Variants in SOX5 observed in about 807,000 individuals in gnomAD.
SOX5 encodes the protein SRY-box transcription factor 5.
Under a neutral mutation model 92.0 loss-of-function variants are expected in SOX5, and 9 were observed. That is an observed-to-expected ratio of 0.10 (90% CI 0.06 to 0.17). The LOEUF is 0.17. Ranked by LOEUF, SOX5 falls within the 10% of genes least tolerant of loss-of-function variation. The pLI is 1.00. For missense variants in SOX5, 642 were observed against 944.5 expected, an observed-to-expected ratio of 0.68 and a Z score of 4.20; for synonymous variants, 344 against 336.3, an observed-to-expected ratio of 1.02 and a Z score of -0.25.
intron 1 of SOX5, among the ~76,000 whole-genome samples, chr12:24,513,351 G>C (rs1458132882): frequency 6.6e-6 from 1 of 152,172 alleles, no homozygotes; most frequent in East Asian, 1.9e-4. Context: ...AGGTACTTGG[G>C]AATCCAACGT....
chr12:23,594,714 T>C (rs1480534335), intron 9 of SOX5, among the ~76,000 whole-genome samples: 1 of 152,200 alleles, frequency 6.6e-6, no homozygotes, highest in Non-Finnish European at 1.5e-5. Flanking sequence ...GAAAAAATCC[T>C]ATAGGATCTG....
chr12:24,473,641 G>T (rs556933590), intron 1 of SOX5, among the ~76,000 whole-genome samples: 148 of 152,264 alleles, frequency 9.7e-4, no homozygotes, highest in African/African-American at 3.2e-3. Context: ...TAGTTCAATT[G>T]CTGTTGAACA....
At chr12:23,942,848 C>G (rs560312599) in intron 1 of SOX5, among the ~76,000 whole-genome samples, 1 of 152,134 alleles carries the variant, frequency 6.6e-6, no homozygotes, top group East Asian at 1.9e-4. Flanking sequence ...TGGAGCTACA[C>G]ATACATTTTT....
intron 4 of SOX5, among the ~76,000 whole-genome samples, chr12:24,118,018 C>CAAAAAA (rs964710930): frequency 2.6e-4 from 11 of 41,756 alleles, no homozygotes; most frequent in Non-Finnish European, 4.3e-4. Flanking sequence ...GACTCTCATT[C>CAAAAAA]AAAAAAAAAA....
At chr12:24,442,146 A>G (rs947214810) in intron 1 of SOX5, among the ~76,000 whole-genome samples, 1 of 152,230 alleles carries the variant, frequency 6.6e-6, no homozygotes, top group African/African-American at 2.4e-5. Context: ...ATGAGAAACA[A>G]TGTGAACTTC....
intron 1 of SOX5, among the ~76,000 whole-genome samples, chr12:24,415,120 C>A (rs2136849252): frequency 6.6e-6 from 1 of 152,254 alleles, no homozygotes; most frequent in South Asian, 2.1e-4. Flanking sequence ...TTAGAAAAGG[C>A]TTTGTGGTTT....
chr12:24,323,818 G>A (rs1950427867), intron 2 of SOX5, among the ~76,000 whole-genome samples: 2 of 151,984 alleles, frequency 1.3e-5, no homozygotes, highest in Admixed American at 1.3e-4. Flanking sequence ...TGGCAGGGGA[G>A]ACCAATAAAG....
chr12:23,946,812 T>C (rs1007201552), intron 1 of SOX5, among the ~76,000 whole-genome samples: 1 of 152,018 alleles, frequency 6.6e-6, no homozygotes, highest in Non-Finnish European at 1.5e-5. Context: ...TCAGTAATCA[T>C]AATCAGTTTA....
intron 1 of SOX5, among the ~76,000 whole-genome samples, chr12:23,907,627 C>T (rs1226992804): frequency 2.0e-5 from 3 of 151,654 alleles, no homozygotes; most frequent in Non-Finnish European, 4.4e-5. Flanking sequence ...ATCACAAATG[C>T]GTATATATGG....
chr12:23,883,051 G>A (rs950979960), intron 2 of SOX5, among the ~76,000 whole-genome samples: 4 of 150,888 alleles, frequency 2.7e-5, no homozygotes, highest in African/African-American at 5.0e-5. Flanking sequence ...CATAGTGGCG[G>A]GTGCCTGTAG....
At chr12:23,684,630 T>C (rs1380278798) in intron 6 of SOX5, among the ~76,000 whole-genome samples, 1 of 152,096 alleles carries the variant, frequency 6.6e-6, no homozygotes, top group Non-Finnish European at 1.5e-5. Context: ...TAGAAAAATG[T>C]ACTTTAAAAA....
chr12:24,287,081 G>A (rs959590968), intron 2 of SOX5, among the ~76,000 whole-genome samples: 5 of 152,110 alleles, frequency 3.3e-5, no homozygotes, highest in East Asian at 1.9e-4. Context: ...TCTAGTCCCC[G>A]AAGTTCAGGT....
At chr12:23,921,270 T>C (rs993697764) in intron 1 of SOX5, among the ~76,000 whole-genome samples, 9 of 151,818 alleles carry the variant, frequency 5.9e-5, no homozygotes, top group African/African-American at 2.2e-4. Flanking sequence ...TTTCCGTTCA[T>C]AAGTAGAATT....
chr12:24,164,936 T>C (rs1383264266), intron 4 of SOX5, among the ~76,000 whole-genome samples: 1 of 152,102 alleles, frequency 6.6e-6, no homozygotes, highest in Admixed American at 6.6e-5. Context: ...GAAAGTAATA[T>C]ATTTTTTAAA....
chr12:24,260,083 C>T (rs1941863585), intron 3 of SOX5, among the ~76,000 whole-genome samples: 1 of 152,026 alleles, frequency 6.6e-6, no homozygotes, highest in African/African-American at 2.4e-5. Context: ...TCACTTACTC[C>T]AAGGGTAAGA....
intron 1 of SOX5, among the ~76,000 whole-genome samples, chr12:24,485,061 A>C (rs1946379498): frequency 6.6e-6 from 1 of 152,210 alleles, no homozygotes. Flanking sequence ...AAGGAATAAG[A>C]GTATTTAGGT....
At chr12:24,367,521 T>G (rs192029815) in intron 2 of SOX5, among the ~76,000 whole-genome samples, 8 of 152,320 alleles carry the variant, frequency 5.3e-5, no homozygotes, top group African/African-American at 1.9e-4. Flanking sequence ...GGCCTTTCAT[T>G]TGTAAATTTA....
intron 2 of SOX5, among the ~76,000 whole-genome samples, chr12:23,872,135 C>A (rs1198754035): frequency 2.0e-5 from 3 of 146,462 alleles, no homozygotes; most frequent in African/African-American, 7.5e-5. Context: ...GTAGCTGGGA[C>A]TACAGGCGCC....
intron 4 of SOX5, among the ~76,000 whole-genome samples, chr12:24,006,500 T>C (rs888503433): frequency 1.3e-5 from 2 of 152,006 alleles, no homozygotes; most frequent in African/African-American, 4.8e-5. Context: ...AGTCACTCAG[T>C]CCCTTTCTCT....
Sources: gnomAD v4.1 joint callset for allele counts (sites outside exome capture counted in the v4.1 genomes callset) on GRCh38, gnomAD v4.1.1 for gene constraint, MANE v1.5 for transcripts, NCBI Gene and HGNC (gene_info 2026-07-23, HGNC 2026-07-21) for gene names.